Variants in FGF12 observed in about 807,000 individuals in gnomAD.
FGF12 encodes the protein fibroblast growth factor 12, also known as fibroblast growth factor 12B.
In FGF12, 14 loss-of-function variants were observed where a neutral mutation model predicts 23.6. The ratio of observed to expected loss-of-function variants is 0.59; its 90% CI spans 0.39 to 0.93. The LOEUF (loss-of-function observed/expected upper bound fraction) is 0.93, where lower values mean the gene tolerates loss of function less well. Among genes scored for constraint, FGF12 ranks in the 40% least tolerant of loss-of-function variants. FGF12 has a pLI of 0.00. For synonymous variants in FGF12, 62 were observed against 77.3 expected (o/e 0.80, Z 1.04); for missense variants, 175 against 217.8 (o/e 0.80, Z 1.24).
intron 4 of FGF12, among the ~76,000 whole-genome samples, chr3:192,247,864 TAGTG>T (rs1711730191): frequency 6.6e-6 from 1 of 152,172 alleles, no homozygotes; most frequent in Admixed American, 6.5e-5. Flanking sequence ...CTTCTGAAAG[TAGTG>T]TTCCTGACAT....
intron 2 of FGF12, among the ~76,000 whole-genome samples, chr3:192,500,265 A>G (rs1724094933): frequency 6.6e-6 from 1 of 152,198 alleles, no homozygotes; most frequent in South Asian, 2.1e-4. Context: ...GATTTACTTG[A>G]GTCTCAAGTG....
At chr3:192,236,767 G>C (rs1418650063) in intron 4 of FGF12, among the ~76,000 whole-genome samples, 3 of 151,952 alleles carry the variant, frequency 2.0e-5, no homozygotes, top group African/African-American at 7.2e-5. Flanking sequence ...TCTACAGTTG[G>C]GTCTTGCTTT....
chr3:192,715,807 G>T (rs1441035648), intron 2 of FGF12, among the ~76,000 whole-genome samples: 1 of 152,222 alleles, frequency 6.6e-6, no homozygotes, highest in Admixed American at 6.5e-5. Context: ...TAACTGCATG[G>T]TTTTTCATGT....
intron 2 of FGF12, among the ~76,000 whole-genome samples, chr3:192,504,271 G>A (rs1724228417): frequency 6.6e-6 from 1 of 152,046 alleles, no homozygotes; most frequent in Admixed American, 6.6e-5. Context: ...GAAATAACCT[G>A]TACCCCAAAT....
intron 2 of FGF12, among the ~76,000 whole-genome samples, chr3:192,723,139 A>T (rs1399853135): frequency 6.6e-6 from 1 of 152,196 alleles, no homozygotes; most frequent in East Asian, 1.9e-4. Context: ...AGACTTTGTC[A>T]GGAGCTTAAA....
intron 2 of FGF12, among the ~76,000 whole-genome samples, chr3:192,609,734 C>A (rs2108638490): frequency 6.6e-6 from 1 of 152,140 alleles, no homozygotes; most frequent in Non-Finnish European, 1.5e-5. Flanking sequence ...GTGTTGTCTT[C>A]TGAAACAGAT....
At chr3:192,639,863 T>A (rs1483087230) in intron 2 of FGF12, among the ~76,000 whole-genome samples, 1 of 152,186 alleles carries the variant, frequency 6.6e-6, no homozygotes, top group Non-Finnish European at 1.5e-5. Context: ...AAGGTAGGAC[T>A]GTATATACAA....
intron 2 of FGF12, among the ~76,000 whole-genome samples, chr3:192,678,186 T>C (rs1280906455): frequency 6.6e-6 from 1 of 152,238 alleles, no homozygotes; most frequent in Non-Finnish European, 1.5e-5. Flanking sequence ...TGTGTGCTCA[T>C]CTTTACAAAA....
At chr3:192,437,362 A>G (rs747563372) in intron 2 of FGF12, among the ~76,000 whole-genome samples, 1 of 152,230 alleles carries the variant, frequency 6.6e-6, no homozygotes, top group Admixed American at 6.5e-5. Context: ...ATCGCCTTTT[A>G]GCCAGAAGGT....
At chr3:192,630,221 C>A (rs1228351245) in intron 2 of FGF12, among the ~76,000 whole-genome samples, 1 of 152,144 alleles carries the variant, frequency 6.6e-6, no homozygotes, top group Non-Finnish European at 1.5e-5. Context: ...TTTCCTGGGG[C>A]CTCCCCAGAA....
intron 4 of FGF12, among the ~76,000 whole-genome samples, chr3:192,250,087 T>G (rs537321594): frequency 1.3e-5 from 2 of 152,190 alleles, no homozygotes; most frequent in African/African-American, 2.4e-5. Flanking sequence ...TGCTTAGTAC[T>G]CGAAGTGTGC....
chr3:192,487,508 G>A (rs376224709), intron 2 of FGF12, among the ~76,000 whole-genome samples: 1 of 152,088 alleles, frequency 6.6e-6, no homozygotes, highest in South Asian at 2.1e-4. Flanking sequence ...TCGCCTGTTC[G>A]ATCATGCTTG....
chr3:192,215,726 C>T (rs1718161662), intron 4 of FGF12, among the ~76,000 whole-genome samples: 1 of 152,138 alleles, frequency 6.6e-6, no homozygotes, highest in African/African-American at 2.4e-5. Flanking sequence ...TCCTCCAAAA[C>T]CTTTTTCCCC....
chr3:192,372,391 T>TCACACACA lies in FGF12; in HGVS notation c.14-11861_14-11854dup, dbSNP rs58664869. 9.4e-3 allele frequency among the ~76,000 whole-genome samples: 1,399 copies of TCACACACA among 149,064 alleles called. 11 individuals are homozygous for TCACACACA. Among genetic ancestry groups the TCACACACA allele is most frequent in the African/African-American group, 0.019 (759 of 40,992 alleles). ...TTTTGTCTATCATCTTTTCATACCATCACACACACACACACACACACACAC... is the reference window on the plus strand; with the variant it reads ...TTTTGTCTATCATCTTTTCATACCATCACACACACACACACACACACACACACACACAC... On this transcript the variant is annotated intron_variant, in intron 2 of 5. Coordinates refer to ENST00000445105, the MANE Select transcript of FGF12 (RefSeq NM_004113.6).
intron 4 of FGF12, among the ~76,000 whole-genome samples, chr3:192,251,717 G>T (rs1712024691): frequency 6.6e-6 from 1 of 151,908 alleles, no homozygotes; most frequent in Non-Finnish European, 1.5e-5. Context: ...ATTTTTAGTT[G>T]CATGAGAAAA....
At position 192,649,750 on chromosome 3, in the gene FGF12, G is replaced by A. The variant is rs564435561; in HGVS notation, c.13+77431C>T. On this transcript the variant is annotated intron_variant, in intron 2 of 5. Coordinates refer to ENST00000445105, the MANE Select transcript of FGF12 (RefSeq NM_004113.6). ...TTTTTTTTTTATTTTTTGTGGAGAT[G>A]GGGTTTTGCCATGTTAGCCAGACTG... is the stretch of plus-strand genomic sequence containing the variant. 2.2e-3 allele frequency among the ~76,000 whole-genome samples: 337 copies of A among 151,348 alleles called. 1 individual carries two copies. Among genetic ancestry groups the A allele is most frequent in the South Asian group, 5.4e-3 (26 of 4,784 alleles).
At chr3:192,174,073 A>G (rs1715725523) in intron 4 of FGF12, among the ~76,000 whole-genome samples, 3 of 152,220 alleles carry the variant, frequency 2.0e-5, no homozygotes, top group Non-Finnish European at 4.4e-5. Flanking sequence ...TGCATACGCA[A>G]TCCTGCTTTT....
At chr3:192,397,321 T>A (rs1410133395) in intron 2 of FGF12, among the ~76,000 whole-genome samples, 1 of 152,182 alleles carries the variant, frequency 6.6e-6, no homozygotes, top group Non-Finnish European at 1.5e-5. Flanking sequence ...CAATGAGGAA[T>A]CCTCTCTACT....
rs561571180 is a variant in FGF12 at position 192,576,925 on chromosome 3, G to A, written c.13+150256C>T. On this transcript the variant is annotated intron_variant, in intron 2 of 5. Transcript: ENST00000445105. ...TTTGCAGGGACAGGGGATGAAGCTG[G>A]TAACCATCATTCTTGGCAAACTAAC... Among the ~76,000 whole-genome samples the A allele has an allele frequency of 4.6e-5, 7 of 152,254 alleles. No homozygotes were observed. The South Asian group carries it at 1.4e-3, about 32-fold the overall frequency.
Sources: gnomAD v4.1 joint callset for allele counts (sites outside exome capture counted in the v4.1 genomes callset) on GRCh38, gnomAD v4.1.1 for gene constraint, MANE v1.5 for transcripts, NCBI Gene and HGNC (gene_info 2026-07-23, HGNC 2026-07-21) for gene names.